Variants in CACNA1D observed in about 807,000 individuals in gnomAD.
CACNA1D encodes the protein calcium voltage-gated channel subunit alpha1 D.
Under a neutral mutation model 257.1 loss-of-function variants are expected in CACNA1D, and 55 were observed. The ratio of observed to expected loss-of-function variants is 0.21; its 90% CI spans 0.17 to 0.27. The LOEUF (loss-of-function observed/expected upper bound fraction) is 0.27, where lower values mean the gene tolerates loss of function less well. Ranked by LOEUF, CACNA1D falls within the 10% of genes least tolerant of loss-of-function variation. CACNA1D has a pLI of 1.00. For missense variants in CACNA1D, 1,876 were observed against 2,784.0 expected (o/e 0.67, Z 7.34); for synonymous variants, 980 against 1,014.9 (o/e 0.97, Z 0.65).
chr3:53,618,977 C>A (rs1304632285), intron 3 of CACNA1D, among the ~76,000 whole-genome samples: 1 of 152,122 alleles, frequency 6.6e-6, no homozygotes, highest in African/African-American at 2.4e-5. Flanking sequence ...CACTTGTACC[C>A]CTTTGCAGGC....
intron 11 of CACNA1D, among the ~76,000 whole-genome samples, chr3:53,721,386 A>G (rs994352706): frequency 3.3e-5 from 5 of 152,120 alleles, no homozygotes; most frequent in Admixed American, 2.6e-4. Flanking sequence ...GAAGTACCCC[A>G]TTGTCGTTAG....
chr3:53,675,414 C>T (rs2094365473), intron 8 of CACNA1D, among the ~76,000 whole-genome samples: 1 of 152,192 alleles, frequency 6.6e-6, no homozygotes, highest in Admixed American at 6.5e-5. Flanking sequence ...AACAGCAATC[C>T]TGTTGTGAAT....
intron 3 of CACNA1D, among the ~76,000 whole-genome samples, chr3:53,572,357 GGTTT>G (rs58548804): frequency 0.46 from 66,519 of 143,646 alleles, 15,864 homozygotes; most frequent in Middle Eastern, 0.53. Flanking sequence ...CTCTGCCTCT[GGTTT>G]GTTTGTTTGT....
chr3:53,735,458 C>T lies in CACNA1D; in HGVS notation c.2706C>T (p.Ala902=). The change falls in exon 20 of 48, where the codon GCC becomes GCT. Residue 902 remains alanine (A), a synonymous_variant. Transcript: ENST00000350061. The part of the protein sequence containing the change: ...ILVFIMLSSA[A]LAAEDPIRSH... Reference sequence around the variant, plus strand: ...TCTTCATCATGCTGAGCAGCGCTGCCCTGGCCGCAGAGGACCCCATCCGCA... The same window carrying T: ...TCTTCATCATGCTGAGCAGCGCTGCTCTGGCCGCAGAGGACCCCATCCGCA... The T allele has an allele frequency of 1.2e-6, 2 of 1,613,900 alleles. No homozygotes were observed. Among genetic ancestry groups the T allele is most frequent in the Non-Finnish European group, 8.5e-7 (1 of 1,179,828 alleles).
At chr3:53,783,331 G>T (rs3774589) in intron 39 of CACNA1D, among the ~76,000 whole-genome samples, 97,152 of 152,014 alleles carry the variant, frequency 0.64, 31,622 homozygotes, top group Middle Eastern at 0.7. Flanking sequence ...AATTTAGCTC[G>T]CCATCGAAGC....
intron 3 of CACNA1D, among the ~76,000 whole-genome samples, chr3:53,604,305 T>G (rs558998667): frequency 6.6e-6 from 1 of 152,308 alleles, no homozygotes; most frequent in African/African-American, 2.4e-5. Context: ...GAGGAAACAG[T>G]GCAGAAGACT....
chr3:53,804,691 C>T lies in CACNA1D; in HGVS notation c.5586-292C>T, dbSNP rs1393620923. On this transcript the variant is annotated intron_variant, in intron 44 of 47. Transcript: ENST00000350061. ...AAGGCACTCAGGAGAGGGGCTCTCA[C>T]GGAGGAAATGAGTGGGTGAGAGCCT... is the stretch of plus-strand genomic sequence containing the variant. 3.9e-5 allele frequency among the ~76,000 whole-genome samples: 6 copies of T among 152,182 alleles called. No homozygotes were observed. In the East Asian group the frequency reaches 7.7e-4, roughly 20 times the overall value.
At position 53,789,345 on chromosome 3, in the gene CACNA1D, A is replaced by C. The variant is rs6775991; in HGVS notation, c.4923+2393A>C. 6.2e-3 allele frequency among the ~76,000 whole-genome samples: 945 copies of C among 152,332 alleles called. 9 individuals are homozygous for C. The highest frequency in any genetic ancestry group is 0.021 in the African/African-American group (887 of 41,566). On this transcript the variant is annotated intron_variant, in intron 40 of 47. Coordinates refer to ENST00000350061, the MANE Select transcript of CACNA1D (RefSeq NM_001128840.3). The surrounding 1 kb of genome is among the most constrained non-coding windows in gnomAD (Gnocchi z 4.2). ...TGTACTTGATTCTGAAACATTAAAC[A>C]TAGACATTTTTTTTGTCTCCTTGAA... is the stretch of plus-strand genomic sequence containing the variant.
chr3:53,752,140 A>G (rs987828651), intron 28 of CACNA1D, among the ~76,000 whole-genome samples: 1 of 152,226 alleles, frequency 6.6e-6, no homozygotes, highest in Admixed American at 6.5e-5. Context: ...TAACATTTCC[A>G]TGGAGCCTGG....
At chr3:53,786,576 AT>A in intron 39 of CACNA1D, 1 of 512,292 alleles carries the variant, frequency 2.0e-6, no homozygotes, top group South Asian at 2.1e-5. Flanking sequence ...CAAATATATT[AT>A]TTTCTGCAAC....
chr3:53,729,176 C>T (rs886479518), intron 15 of CACNA1D, among the ~76,000 whole-genome samples: 1 of 152,224 alleles, frequency 6.6e-6, no homozygotes, highest in African/African-American at 2.4e-5. Flanking sequence ...TAATTGCTTC[C>T]TGAGGCTCAT....
chr3:53,715,460 C>T (rs1474952477), intron 9 of CACNA1D, among the ~76,000 whole-genome samples: 2 of 151,948 alleles, frequency 1.3e-5, no homozygotes, highest in African/African-American at 4.8e-5. Context: ...ACACTAGATG[C>T]GTCTGTGCAA....
intron 3 of CACNA1D, among the ~76,000 whole-genome samples, chr3:53,593,484 T>G (rs550729024): frequency 1.3e-5 from 2 of 152,220 alleles, no homozygotes; most frequent in African/African-American, 4.8e-5. Flanking sequence ...GTAAATACTT[T>G]GGAAGAAATA....
intron 3 of CACNA1D, among the ~76,000 whole-genome samples, chr3:53,521,540 G>T (rs116680290): frequency 0.027 from 4,098 of 152,266 alleles, 88 homozygotes; most frequent in Non-Finnish European, 0.042. Context: ...AACCAGGACT[G>T]GAGTATAAGT....
chr3:53,809,746 A>G (rs1353502859), intron 46 of CACNA1D: 3 of 578,488 alleles, frequency 5.2e-6, no homozygotes, highest in Non-Finnish European at 9.3e-6. Context: ...TCCTTGGGAA[A>G]AGCCAAAGGA....
chr3:53,552,047 A>T (rs932424550), intron 3 of CACNA1D, among the ~76,000 whole-genome samples: 2 of 152,202 alleles, frequency 1.3e-5, no homozygotes, highest in Non-Finnish European at 2.9e-5. Context: ...ACCTATGCCC[A>T]GGCCCCCTCT....
chr3:53,500,370 G>T (rs1158369122), intron 2 of CACNA1D, among the ~76,000 whole-genome samples: 1 of 151,268 alleles, frequency 6.6e-6, no homozygotes, highest in Non-Finnish European at 1.5e-5. Context: ...GGGAGGCGGA[G>T]GTTGCAGCAA....
At chr3:53,535,924 A>G (rs1326663822) in intron 3 of CACNA1D, among the ~76,000 whole-genome samples, 2 of 152,196 alleles carry the variant, frequency 1.3e-5, no homozygotes, top group African/African-American at 4.8e-5. Flanking sequence ...CCTGCCTTCT[A>G]GGTGGTGGGG....
rs375782771 is a variant in CACNA1D at position 53,805,042 on chromosome 3, G to A, written c.5645G>A (p.Arg1882Gln). ...PGRNIDSERP[R>Q]GYHHPQGFLE... ...AGAAACATCGACTCTGAGAGGCCCC[G>A]AGGCTACCATCATCCCCAAGGATTC... Residue 1882 changes from arginine (R) to glutamine (Q), a missense_variant, in exon 45 of 48, where the codon CGA becomes CAA. Around this residue, in one of 10 missense-constraint regions of CACNA1D, gnomAD observed 491 missense variants for 554.3 expected, o/e 0.89. Coordinates refer to ENST00000350061, the MANE Select transcript of CACNA1D (RefSeq NM_001128840.3). The A allele has an allele frequency of 3.7e-5, 59 of 1,613,980 alleles. No individual in the cohort carries two copies. Among genetic ancestry groups the A allele is most frequent in the Non-Finnish European group, 4.4e-5 (52 of 1,180,002 alleles).
Sources: gnomAD v4.1 joint callset for allele counts (sites outside exome capture counted in the v4.1 genomes callset) on GRCh38, gnomAD v4.1.1 for gene constraint, gnomAD v4.1.1 regional missense constraint, Gnocchi (gnomAD v3.1) non-coding constraint, MANE v1.5 for transcripts, NCBI Gene and HGNC (gene_info 2026-07-23, HGNC 2026-07-21) for gene names.